GFOD1: variants seen among roughly 807,000 people sequenced by gnomAD.
GFOD1 encodes Gfo/Idh/MocA-like oxidoreductase domain containing 1.
In GFOD1, 9 loss-of-function variants were observed where a neutral mutation model predicts 25.4. The observed-to-expected ratio is 0.35, with a 90% CI of 0.21 to 0.62. The LOEUF (loss-of-function observed/expected upper bound fraction) is 0.62. GFOD1 is among the 20% of genes least tolerant of loss of function. The pLI, the probability that GFOD1 is intolerant of heterozygous loss-of-function variation, is 0.72. For synonymous variants in GFOD1, 253 were observed against 245.6 expected (o/e 1.03, Z -0.28); for missense variants, 403 against 556.9 (o/e 0.72, Z 2.78).
intron 1 of GFOD1, among the ~76,000 whole-genome samples, chr6:13,478,172 T>C (rs545871314): frequency 6.6e-6 from 1 of 152,286 alleles, no homozygotes; most frequent in South Asian, 2.1e-4. Context: ...GTTTTTTTCA[T>C]TTTGTTGCCC....
intron 1 of GFOD1, among the ~76,000 whole-genome samples, chr6:13,371,415 G>T (rs1027707103): frequency 3.3e-5 from 5 of 152,166 alleles, no homozygotes; most frequent in Admixed American, 3.3e-4. Flanking sequence ...GGAGCACCAG[G>T]CCAACACACG....
chr6:13,486,129 G>A, intron 1 of GFOD1: 1 of 987,616 alleles, frequency 1.0e-6, no homozygotes, highest in Non-Finnish European at 1.2e-6. Context: ...TGAAGGGCAG[G>A]TCCTCTATCG....
At position 13,466,956 on chromosome 6, in the gene GFOD1, G is replaced by A. The variant is rs148185558; in HGVS notation, c.253+19682C>T. The stretch of plus-strand genomic sequence containing the variant: ...TACACATATGCACACATACACACAC[G>A]TATACATACACACACACTACTGGCA... On this transcript the variant is annotated intron_variant, in intron 1 of 1. Transcript: ENST00000379287. Among the ~76,000 whole-genome samples the A allele has an allele frequency of 2.9e-3, 439 of 151,972 alleles. 1 individual carries two copies. The highest frequency in any genetic ancestry group is 9.6e-3 in the African/African-American group (396 of 41,448).
At chr6:13,377,317 A>G (rs1272331162) in intron 1 of GFOD1, among the ~76,000 whole-genome samples, 1 of 152,204 alleles carries the variant, frequency 6.6e-6, no homozygotes, top group Non-Finnish European at 1.5e-5. Context: ...AGTTCTCTAG[A>G]ACAGAAGTTC....
At chr6:13,458,143 A>C (rs2560758) in intron 1 of GFOD1, among the ~76,000 whole-genome samples, 4 of 151,844 alleles carry the variant, frequency 2.6e-5, no homozygotes, top group Non-Finnish European at 4.4e-5. Context: ...TTTGAGATGG[A>C]GTCTAGCTCT....
intron 1 of GFOD1, chr6:13,469,243 G>C (rs892453250): frequency 9.1e-6 from 9 of 985,384 alleles, no homozygotes; most frequent in Admixed American, 6.1e-5. Context: ...CACCAGAACA[G>C]ATGGAGGAAT....
At chr6:13,367,589 C>A (rs1229179417) in intron 1 of GFOD1, among the ~76,000 whole-genome samples, 1 of 151,962 alleles carries the variant, frequency 6.6e-6, no homozygotes, top group Non-Finnish European at 1.5e-5. Context: ...GACCAAAATG[C>A]CTCTCTGAGC....
intron 1 of GFOD1, among the ~76,000 whole-genome samples, chr6:13,402,728 A>G (rs1041901806): frequency 6.6e-6 from 1 of 152,234 alleles, no homozygotes; most frequent in Non-Finnish European, 1.5e-5. Context: ...CATTGCTCGT[A>G]AGAATGTACA....
rs5874418 is a variant in GFOD1, at chr6:13,458,757, C to CA, written c.253+27880dup. 7.0e-3 allele frequency among the ~76,000 whole-genome samples: 402 copies of CA among 57,178 alleles called. 57 individuals carry two copies. The highest frequency in any genetic ancestry group is 0.014 in the African/African-American group (342 of 24,390). 37.5% of individuals were successfully genotyped at this position (57,178 alleles called of 152,430 possible). A position where few individuals can be genotyped will look rare whatever the true frequency, so the allele number is the denominator to read the frequency against. ...CAAAAAGACTCCATTTCCCCTTGAG[C>CA]AAAAAAAAAAAAAAAAAAAAAAAAA... On this transcript the variant is annotated intron_variant, in intron 1 of 1. Transcript: ENST00000379287.
chr6:13,430,945 G>A lies in GFOD1; in HGVS notation c.253+55693C>T, dbSNP rs1032989704. ...GCCATCATACGAATGCCTTATATGT[G>A]CTTCATCTCATTTGATATTCACTGC... On this transcript the variant is annotated intron_variant, in intron 1 of 1. Coordinates refer to ENST00000379287, the MANE Select transcript of GFOD1 (RefSeq NM_018988.4). This position sits in a 1 kb window ranked among gnomAD's most constrained non-coding sequence, Gnocchi z 4.1. Among the ~76,000 whole-genome samples, 1 of 152,180 alleles carries A rather than the reference G, an allele frequency of 6.6e-6. No homozygotes were observed. Among genetic ancestry groups the A allele is most frequent in the East Asian group, 1.9e-4 (1 of 5,200 alleles).
intron 1 of GFOD1, among the ~76,000 whole-genome samples, chr6:13,379,134 A>G (rs1785310939): frequency 1.3e-5 from 2 of 152,244 alleles, no homozygotes; most frequent in Admixed American, 1.3e-4. Flanking sequence ...AGTGGTGGGA[A>G]GATGGTAATC....
At chr6:13,416,100 C>G (rs750645906) in intron 1 of GFOD1, among the ~76,000 whole-genome samples, 1 of 152,110 alleles carries the variant, frequency 6.6e-6, no homozygotes. Context: ...TCATGAGATC[C>G]GATGGTTTAA....
At chr6:13,393,858 C>A (rs1184556126) in intron 1 of GFOD1, among the ~76,000 whole-genome samples, 1 of 149,334 alleles carries the variant, frequency 6.7e-6, no homozygotes, top group East Asian at 2.0e-4. Context: ...CGGCTCACTG[C>A]AAGCTCCGCC....
intron 1 of GFOD1, among the ~76,000 whole-genome samples, chr6:13,422,069 C>T (rs1313070908): frequency 6.6e-6 from 1 of 152,084 alleles, no homozygotes; most frequent in Non-Finnish European, 1.5e-5. Context: ...GGTCCCCTCC[C>T]CTTTTTCACC....
chr6:13,367,563 G>A (rs1192545000), intron 1 of GFOD1, among the ~76,000 whole-genome samples: 3 of 152,138 alleles, frequency 2.0e-5, no homozygotes, highest in Non-Finnish European at 4.4e-5. Flanking sequence ...TGTGATGTGT[G>A]TATAAATTAC....
intron 1 of GFOD1, among the ~76,000 whole-genome samples, chr6:13,466,697 AG>A (rs200447051): frequency 0.012 from 1,837 of 152,330 alleles, 34 homozygotes; most frequent in African/African-American, 0.042. Flanking sequence ...TCCTTGGTGC[AG>A]TGGACCACAA....
chr6:13,403,961 C>T (rs113591343), intron 1 of GFOD1, among the ~76,000 whole-genome samples: 203 of 152,172 alleles, frequency 1.3e-3, no homozygotes, highest in African/African-American at 4.6e-3. Flanking sequence ...TTGTACAACT[C>T]TGTGAATACA....
intron 1 of GFOD1, among the ~76,000 whole-genome samples, chr6:13,417,912 G>A (rs1786189070): frequency 6.6e-6 from 1 of 152,190 alleles, no homozygotes; most frequent in African/African-American, 2.4e-5. Context: ...GTACACTCCT[G>A]CAGGCATTCT....
In GFOD1 at chr6:13,398,697, T is replaced by C. The variant is rs942779646; in HGVS notation, c.254-33035A>G. 4.6e-5 allele frequency among the ~76,000 whole-genome samples: 7 copies of C among 152,282 alleles called. No homozygotes were observed. The South Asian group carries it at 1.5e-3, about 32-fold the overall frequency. On this transcript the variant is annotated intron_variant, in intron 1 of 1. Transcript: ENST00000379287. ...TGCCTGCAGGCAGAAAGAGGCTCTG[T>C]TGAGCCATCAGCACCTCACTGCCGC... is the stretch of plus-strand genomic sequence containing the variant.
Sources: gnomAD v4.1 joint callset for allele counts (sites outside exome capture counted in the v4.1 genomes callset) on GRCh38, gnomAD v4.1.1 for gene constraint, Gnocchi (gnomAD v3.1) non-coding constraint, MANE v1.5 for transcripts, NCBI Gene and HGNC (gene_info 2026-07-23, HGNC 2026-07-21) for gene names.